GPC6: variants seen among roughly 807,000 people sequenced by gnomAD.
The protein encoded by GPC6 is glypican 6.
GPC6 carries 14 observed loss-of-function variants against 55.2 expected under a neutral mutation model. That is an observed-to-expected ratio of 0.25 (90% CI 0.17 to 0.40). The LOEUF (loss-of-function observed/expected upper bound fraction) is 0.40, where lower values mean the gene tolerates loss of function less well. Ranked by LOEUF, GPC6 falls within the 10% of genes least tolerant of loss-of-function variation. The pLI, the probability that GPC6 is intolerant of heterozygous loss-of-function variation, is 1.00. For missense variants in GPC6, 641 were observed against 708.5 expected (o/e 0.90, Z 1.08); for synonymous variants, 278 against 259.6 (o/e 1.07, Z -0.68).
chr13:93,546,093 A>C (rs1320354637), intron 2 of GPC6, among the ~76,000 whole-genome samples: 1 of 152,226 alleles, frequency 6.6e-6, no homozygotes, highest in Non-Finnish European at 1.5e-5. Flanking sequence ...ATTCTTTGTA[A>C]GCAGTATCAA....
chr13:93,777,937 C>T (rs557602000), intron 2 of GPC6, among the ~76,000 whole-genome samples: 10 of 152,258 alleles, frequency 6.6e-5, no homozygotes, highest in East Asian at 3.9e-4. Flanking sequence ...TCAAGTCCAC[C>T]GGACCTTCAT....
chr13:94,286,268 T>C (rs1301016630), intron 4 of GPC6, 81 bp from the exon 5 acceptor site: 13 of 1,428,400 alleles, frequency 9.1e-6, no homozygotes, highest in Non-Finnish European at 1.1e-5. Flanking sequence ...TTTCATCCAG[T>C]TGTTTTAACA....
At chr13:93,789,498 T>C (rs942176287) in intron 2 of GPC6, among the ~76,000 whole-genome samples, 1 of 77,996 alleles carries the variant, frequency 1.3e-5, no homozygotes, top group African/African-American at 4.7e-5. Context: ...TCTCTCTCTC[T>C]CTCTCTCTCT....
chr13:94,064,054 G>C lies in GPC6; in HGVS notation c.877+36160G>C, dbSNP rs114670710. Among the ~76,000 whole-genome samples the C allele has an allele frequency of 3.7e-3, 570 of 152,202 alleles. 6 individuals are homozygous for C. The highest frequency in any genetic ancestry group is 0.013 in the African/African-American group (549 of 41,530). On this transcript the variant is annotated intron_variant, in intron 4 of 8. Transcript: ENST00000377047. The stretch of plus-strand genomic sequence containing the variant: ...GGGGAGTGAGCTGTCAAGTTAGTAT[G>C]GTTAGTACGTAGATGAGAATCAACA...
intron 1 of GPC6, among the ~76,000 whole-genome samples, chr13:93,444,572 A>T (rs1406777487): frequency 1.3e-5 from 2 of 152,200 alleles, no homozygotes; most frequent in African/African-American, 4.8e-5. Flanking sequence ...GCGCCACTGC[A>T]CTCCAGCCTG....
At chr13:93,521,234 C>T (rs946032192) in intron 1 of GPC6, among the ~76,000 whole-genome samples, 1 of 151,800 alleles carries the variant, frequency 6.6e-6, no homozygotes, top group African/African-American at 2.4e-5. Context: ...AATAATATTG[C>T]ATTTTCTTTC....
chr13:93,503,326 G>C (rs1307771509), intron 1 of GPC6, among the ~76,000 whole-genome samples: 1 of 152,184 alleles, frequency 6.6e-6, no homozygotes, highest in Non-Finnish European at 1.5e-5. Context: ...GGGTCTGGGT[G>C]AATCTTTAGG....
chr13:93,295,116 A>G (rs879094975), intron 1 of GPC6, among the ~76,000 whole-genome samples: 1,606 of 147,026 alleles, frequency 0.011, 5 homozygotes, highest in East Asian at 0.018. Context: ...CTGCAAAAAA[A>G]AAAAAAAAAA....
At chr13:94,284,877 A>C (rs78506656) in intron 4 of GPC6, among the ~76,000 whole-genome samples, 44 of 149,252 alleles carry the variant, frequency 2.9e-4, no homozygotes, top group South Asian at 1.5e-3. Flanking sequence ...AAAAAAAAAA[A>C]ACACATAACA....
At chr13:93,633,674 A>C (rs9561418) in intron 2 of GPC6, among the ~76,000 whole-genome samples, 4 of 146,546 alleles carry the variant, frequency 2.7e-5, no homozygotes, top group East Asian at 4.1e-4. Context: ...AAATAAATAA[A>C]TAACCAAAGT....
chr13:93,885,919 G>A (rs531316511), intron 3 of GPC6, among the ~76,000 whole-genome samples: 13 of 152,238 alleles, frequency 8.5e-5, no homozygotes, highest in African/African-American at 3.1e-4. Context: ...TGCCGGTGAT[G>A]CAGGTGGTTG....
chr13:94,113,679 AT>A (rs1886327120), intron 4 of GPC6, among the ~76,000 whole-genome samples: 1 of 152,066 alleles, frequency 6.6e-6, no homozygotes, highest in South Asian at 2.1e-4. Context: ...CTAGGAAGTG[AT>A]TTCTTGTTTG....
At chr13:94,101,038 A>G (rs1885838063) in intron 4 of GPC6, among the ~76,000 whole-genome samples, 1 of 152,258 alleles carries the variant, frequency 6.6e-6, no homozygotes, top group South Asian at 2.1e-4. Context: ...TGTTGAAGCC[A>G]GGACAGAACC....
chr13:94,256,639 C>T (rs1010493611), intron 4 of GPC6, among the ~76,000 whole-genome samples: 8 of 152,226 alleles, frequency 5.3e-5, no homozygotes, highest in Admixed American at 2.6e-4. Flanking sequence ...TCATATCAGC[C>T]GCACTGCAAA....
chr13:93,514,707 T>C lies in GPC6; in HGVS notation c.161-30556T>C, dbSNP rs187585969. Among the ~76,000 whole-genome samples, 9 of 152,310 alleles carry C rather than the reference T, an allele frequency of 5.9e-5. No homozygotes were observed. The East Asian group carries it at 1.7e-3, about 29-fold the overall frequency. ...CTATGAAATGTGAGTAGAAATGAAC[T>C]GTCTCGTTTCCAGATGGAGGCTTTA... On this transcript the variant is annotated intron_variant, in intron 1 of 8. Coordinates refer to ENST00000377047, the MANE Select transcript of GPC6 (RefSeq NM_005708.5).
intron 4 of GPC6, among the ~76,000 whole-genome samples, chr13:94,034,676 T>G (rs895161174): frequency 1.3e-5 from 2 of 152,106 alleles, no homozygotes; most frequent in African/African-American, 4.8e-5. Context: ...CATCCATTTA[T>G]TTCTAGTTCC....
chr13:93,902,843 A>G (rs1594573673), intron 3 of GPC6, among the ~76,000 whole-genome samples: 1 of 152,154 alleles, frequency 6.6e-6, no homozygotes, highest in East Asian at 1.9e-4. Flanking sequence ...CTTTTGAGAA[A>G]TATCTTTCTG....
At chr13:93,269,721 C>T (rs1263361935) in intron 1 of GPC6, among the ~76,000 whole-genome samples, 1 of 139,804 alleles carries the variant, frequency 7.2e-6, no homozygotes, top group African/African-American at 2.7e-5. Context: ...GTCAGGAGAT[C>T]AAGACTATCC....
chr13:93,407,394 A>T (rs1876333869), intron 1 of GPC6, among the ~76,000 whole-genome samples: 2 of 150,154 alleles, frequency 1.3e-5, no homozygotes, highest in Admixed American at 6.6e-5. Context: ...AAAGTTGGGT[A>T]AAAAAAAACA....
Sources: gnomAD v4.1 joint callset for allele counts (sites outside exome capture counted in the v4.1 genomes callset) on GRCh38, gnomAD v4.1.1 for gene constraint, MANE v1.5 for transcripts, NCBI Gene and HGNC (gene_info 2026-07-23, HGNC 2026-07-21) for gene names.